CDH18: variants seen among roughly 807,000 people sequenced by gnomAD.
The protein encoded by CDH18 is cadherin-18.
In CDH18, 31 loss-of-function variants were observed where a neutral mutation model predicts 67.9. That is an observed-to-expected ratio of 0.46 (90% CI 0.34 to 0.62). CDH18 has a LOEUF of 0.62. CDH18 is among the 20% of genes least tolerant of loss of function. The probability of loss-of-function intolerance (pLI) is 0.01; values close to 1 mark genes in which losing one functional copy is unlikely to be tolerated. For synonymous variants in CDH18, 362 were observed against 347.2 expected (o/e 1.04, Z -0.48); for missense variants, 890 against 975.5 (o/e 0.91, Z 1.17).
chr5:19,593,075 C>T (rs1459581274), intron 6 of CDH18, among the ~76,000 whole-genome samples: 17 of 152,142 alleles, frequency 1.1e-4, no homozygotes, highest in Admixed American at 1.0e-3. Flanking sequence ...TGTCTATGGA[C>T]ATTTAGATTG....
At chr5:20,464,514 G>A (rs1232477034) in intron 1 of CDH18, among the ~76,000 whole-genome samples, 1 of 152,134 alleles carries the variant, frequency 6.6e-6, no homozygotes, top group Non-Finnish European at 1.5e-5. Context: ...GAAAGGGCTA[G>A]AGTTTGATAT....
chr5:19,661,981 A>C (rs973003569), intron 5 of CDH18, among the ~76,000 whole-genome samples: 1 of 152,036 alleles, frequency 6.6e-6, no homozygotes. Flanking sequence ...AGAACAAAAT[A>C]ATTCATAACG....
chr5:20,009,791 A>T (rs1384331618), intron 2 of CDH18, among the ~76,000 whole-genome samples: 1 of 152,136 alleles, frequency 6.6e-6, no homozygotes, highest in Non-Finnish European at 1.5e-5. Flanking sequence ...CCATTTATAG[A>T]TGAATAATGC....
At chr5:20,438,145 T>C (rs1749316551) in intron 1 of CDH18, among the ~76,000 whole-genome samples, 2 of 151,116 alleles carry the variant, frequency 1.3e-5, no homozygotes, top group African/African-American at 4.9e-5. Context: ...TGATATATCA[T>C]CCCTATTCAC....
At chr5:19,752,827 G>A (rs1771033577) in intron 3 of CDH18, among the ~76,000 whole-genome samples, 1 of 152,140 alleles carries the variant, frequency 6.6e-6, no homozygotes, top group Non-Finnish European at 1.5e-5. Flanking sequence ...TCATGGCTGA[G>A]AGACCCACAG....
At position 19,612,557 on chromosome 5, in the gene CDH18, C is replaced by T. The variant is rs1319231605; in HGVS notation, c.688G>A (p.Glu230Lys). ...GCTTGAATGACTACGGAGTAATGTT[C>T]TCTGGCTTCTCTGTCCATGTTATGT... ...ALHNMDREAREHYSVVIQAKD... is the reference protein window; with the variant it reads ...ALHNMDREARKHYSVVIQAKD... The change falls in exon 6 of 13, where the codon GAA becomes AAA. Residue 230 changes from glutamate to lysine, a missense_variant. Coordinates refer to ENST00000382275, the MANE Select transcript of CDH18 (RefSeq NM_004934.5). The T allele has an allele frequency of 1.2e-6, 2 of 1,613,848 alleles. No homozygotes were observed.
chr5:20,288,465 G>A (rs1746856428), intron 1 of CDH18, among the ~76,000 whole-genome samples: 1 of 148,138 alleles, frequency 6.8e-6, no homozygotes, highest in South Asian at 2.1e-4. Context: ...ATATATATAT[G>A]CATTGAGCCA....
At chr5:19,828,417 C>G (rs926109267) in intron 3 of CDH18, among the ~76,000 whole-genome samples, 1 of 150,338 alleles carries the variant, frequency 6.7e-6, no homozygotes, top group Admixed American at 6.6e-5. Context: ...ACAACAAAAA[C>G]AACAGCAACA....
At chr5:19,574,771 G>A (rs1742035947) in intron 7 of CDH18, among the ~76,000 whole-genome samples, 1 of 151,976 alleles carries the variant, frequency 6.6e-6, no homozygotes. Flanking sequence ...GGTGAGGCAC[G>A]GTGCCTCATG....
intron 6 of CDH18, among the ~76,000 whole-genome samples, chr5:19,593,707 C>CCTTCTTCCTCTTCTTCTTCTTCTT (rs1745641525): frequency 1.5e-4 from 5 of 33,384 alleles, no homozygotes; most frequent in Non-Finnish European, 2.8e-4. Flanking sequence ...TCCTCCTCCT[C>CCTTCTTCCTCTTCTTCTTCTTCTT]CTTCTTCTTC....
At chr5:19,568,359 C>T (rs986981215) in intron 8 of CDH18, among the ~76,000 whole-genome samples, 8 of 152,080 alleles carry the variant, frequency 5.3e-5, no homozygotes, top group Non-Finnish European at 1.2e-4. Context: ...GGATTAGTGC[C>T]TTTACAAGAG....
Position 20,421,852 on chromosome 5 carries a change from A to G in CDH18, c.-580+153610T>C, listed in dbSNP as rs1052589523. Among the ~76,000 whole-genome samples the G allele has an allele frequency of 2.7e-5, 4 of 150,620 alleles. No homozygotes were observed. The East Asian group carries it at 5.8e-4, about 22-fold the overall frequency. ...CATATATATATATATACACATGTAT[A>G]CACACATACATGTAAAAATTCACCA... On this transcript the variant is annotated intron_variant, in intron 1 of 14. Coordinates refer to the CDH18 transcript ENST00000507958.
chr5:20,053,275 GAT>G (rs975053344), intron 2 of CDH18, among the ~76,000 whole-genome samples: 1 of 149,900 alleles, frequency 6.7e-6, no homozygotes, highest in Non-Finnish European at 1.5e-5. Flanking sequence ...ATATAGTATA[GAT>G]ATATATATAT....
At chr5:19,929,474 C>T (rs921925441) in intron 2 of CDH18, among the ~76,000 whole-genome samples, 1 of 151,944 alleles carries the variant, frequency 6.6e-6, no homozygotes. Flanking sequence ...AATGTTGAGA[C>T]GAAGAATAAA....
At position 19,473,440 on chromosome 5, in the gene CDH18, A is replaced by T; in HGVS notation, c.2159T>A (p.Leu720Gln). 1 of 1,613,832 alleles carries T rather than the reference A, an allele frequency of 6.2e-7. No homozygotes were observed. Among genetic ancestry groups the T allele is most frequent in the Non-Finnish European group, 8.5e-7 (1 of 1,179,902 alleles). ...IDVQEFIKQR[L>Q]AEADLDPSVP... ...GCTAGGGTCTAGGTCTGCTTCTGCC[A>T]GTCTTTGCTTAATAAATTCCTGAAC... Residue 720 changes from leucine (L) to glutamine (Q), a missense_variant, in exon 13 of 13, where the codon CTG (leucine) becomes CAG (glutamine). Around this residue, in one of 2 missense-constraint regions of CDH18, gnomAD observed 656 missense variants for 668.1 expected, o/e 0.98. Coordinates refer to ENST00000382275, the MANE Select transcript of CDH18 (RefSeq NM_004934.5).
intron 1 of CDH18, among the ~76,000 whole-genome samples, chr5:20,365,691 C>T (rs1742460193): frequency 6.6e-6 from 1 of 152,104 alleles, no homozygotes; most frequent in South Asian, 2.1e-4. Context: ...TTTATAATCA[C>T]TTCAGTATTG....
chr5:19,530,429 T>C (rs1352188141), intron 9 of CDH18, among the ~76,000 whole-genome samples: 3 of 152,006 alleles, frequency 2.0e-5, no homozygotes, highest in African/African-American at 4.8e-5. Flanking sequence ...GTAATTTTCT[T>C]TTTTTATTTT....
At chr5:20,236,970 GA>G (rs1742520682) in intron 2 of CDH18, among the ~76,000 whole-genome samples, 1 of 151,766 alleles carries the variant, frequency 6.6e-6, no homozygotes, top group African/African-American at 2.4e-5. Flanking sequence ...AGAAAGAAAA[GA>G]AAAGACAGTG....
chr5:20,386,209 C>T (rs1478933798), intron 1 of CDH18, among the ~76,000 whole-genome samples: 1 of 152,088 alleles, frequency 6.6e-6, no homozygotes, highest in Non-Finnish European at 1.5e-5. Context: ...TTGGAGCTAG[C>T]AGATCTGCAC....
Sources: gnomAD v4.1 joint callset for allele counts (sites outside exome capture counted in the v4.1 genomes callset) on GRCh38, gnomAD v4.1.1 for gene constraint, gnomAD v4.1.1 regional missense constraint, MANE v1.5 for transcripts, NCBI Gene and HGNC (gene_info 2026-07-23, HGNC 2026-07-21) for gene names.